The following KLHL4 variants were observed in gnomAD, a reference collection of about 807,000 sequenced individuals.
KLHL4 encodes kelch like family member 4.
Under a neutral mutation model 45.8 loss-of-function variants are expected in KLHL4, and 17 were observed. The observed-to-expected ratio is 0.37, with a 90% CI of 0.25 to 0.56. The LOEUF (loss-of-function observed/expected upper bound fraction) is 0.56, where lower values mean the gene tolerates loss of function less well. Ranked by LOEUF, KLHL4 falls within the 20% of genes least tolerant of loss-of-function variation. The probability of loss-of-function intolerance (pLI) is 0.79; values close to 1 mark genes in which losing one functional copy is unlikely to be tolerated. For synonymous variants in KLHL4, 224 were observed against 189.9 expected (o/e 1.18, Z -1.47); for missense variants, 544 against 544.9 (o/e 1.00, Z 0.02).
intron 4 of KLHL4, among the ~76,000 whole-genome samples, chrX:87,618,645 C>T (rs1324847788): frequency 3.6e-5 from 4 of 110,934 alleles, no homozygotes; most frequent in African/African-American, 9.8e-5. Context: ...GGACTACAGG[C>T]GCCCGCCACC....
intron 1 of KLHL4, among the ~76,000 whole-genome samples, chrX:87,533,581 C>T (rs1467964957): frequency 4.7e-5 from 5 of 105,633 alleles, no homozygotes; most frequent in South Asian, 4.5e-4. Context: ...GGAGGGATAG[C>T]ATTAGGAGAT....
chrX:87,519,169 A>G (rs931080167), intron 1 of KLHL4, among the ~76,000 whole-genome samples: 2 of 111,918 alleles, frequency 1.8e-5, no homozygotes, highest in African/African-American at 6.5e-5. Context: ...AGACATTTTT[A>G]TAGTCCCAAC....
At chrX:87,665,777 A>C (rs967008688) in intron 10 of KLHL4, among the ~76,000 whole-genome samples, 1 of 111,577 alleles carries the variant, frequency 9.0e-6, no homozygotes, top group African/African-American at 3.3e-5. Flanking sequence ...TACAGGGTAC[A>C]GCTATCTATT....
At chrX:87,662,060 T>C (rs1174611358) in intron 9 of KLHL4, among the ~76,000 whole-genome samples, 1 of 111,900 alleles carries the variant, frequency 8.9e-6, no homozygotes, top group Non-Finnish European at 1.9e-5. Context: ...TTTATTTTAG[T>C]ATTATTGCTA....
chrX:87,532,014 C>T (rs897951761), intron 1 of KLHL4, among the ~76,000 whole-genome samples: 22 of 108,260 alleles, frequency 2.0e-4, no homozygotes, highest in Admixed American at 6.0e-4. Flanking sequence ...AAAAAGAGCC[C>T]GCATCGCCAA....
chrX:87,629,155 G>T (rs941332338), intron 6 of KLHL4, among the ~76,000 whole-genome samples: 15 of 111,446 alleles, frequency 1.3e-4, no homozygotes, highest in African/African-American at 4.6e-4. Flanking sequence ...AGTTTGACAG[G>T]TTTTGTTCAC....
intron 1 of KLHL4, among the ~76,000 whole-genome samples, chrX:87,583,722 C>T (rs1921364124): frequency 9.0e-6 from 1 of 111,308 alleles, no homozygotes; most frequent in African/African-American, 3.3e-5. Flanking sequence ...GACTTTCTGG[C>T]TTCAGGTAAG....
chrX:87,623,348 C>T (rs1409173267), intron 5 of KLHL4, among the ~76,000 whole-genome samples: 3 of 82,046 alleles, frequency 3.7e-5, no homozygotes, highest in Non-Finnish European at 6.5e-5. Context: ...GGCTGGAGTG[C>T]AGTGGGGCTA....
chrX:87,518,453 C>G (rs1187700846), intron 1 of KLHL4, 138 bp downstream of exon 1: 9 of 533,222 alleles, frequency 1.7e-5, no homozygotes, highest in Non-Finnish European at 2.4e-5. Flanking sequence ...TCTCAGAAAC[C>G]GTCTCCTCTA....
chrX:87,666,850 G>T lies in KLHL4; in HGVS notation c.*316G>T, dbSNP rs1217541391. The stretch of plus-strand genomic sequence containing the variant: ...TGAAAATTGATGGTGGCCACAGTGT[G>T]CAGGTTATAAAAGCATTAATACATT... On this transcript the variant is annotated 3_prime_UTR_variant, in exon 11 of 11. Transcript: ENST00000373119. The T allele has an allele frequency of 6.5e-6, 5 of 770,449 alleles. No homozygotes were observed. The highest frequency in any genetic ancestry group is 1.0e-4 in the East Asian group (1 of 9,876). 63.5% of individuals were successfully genotyped at this position (770,449 alleles called of 1,213,427 possible).
At chrX:87,649,365 C>A (rs1923736041) in intron 9 of KLHL4, among the ~76,000 whole-genome samples, 1 of 111,139 alleles carries the variant, frequency 9.0e-6, no homozygotes, top group Admixed American at 9.6e-5. Flanking sequence ...ATTTCATTTC[C>A]TTTTTAAGGC....
rs1569366658 is a variant in KLHL4, at chrX:87,668,207, T to A, written c.*1673T>A. 1.3e-6 allele frequency: 1 copy of A among 751,316 alleles called. No individual in the cohort carries two copies. Among genetic ancestry groups the A allele is most frequent in the Non-Finnish European group, 1.6e-6 (1 of 637,958 alleles). 61.9% of individuals were successfully genotyped at this position (751,316 alleles called of 1,213,427 possible). A position where few individuals can be genotyped will look rare whatever the true frequency, so the allele number is the denominator to read the frequency against. On this transcript the variant is annotated 3_prime_UTR_variant, in exon 11 of 11. Coordinates refer to ENST00000373119, the MANE Select transcript of KLHL4 (RefSeq NM_019117.5). ...ATTGAAATCAGTGTAGAAGTAGAGT[T>A]ACCTAAACCTTTATCGCCAATGCAC...
intron 1 of KLHL4, among the ~76,000 whole-genome samples, chrX:87,581,204 C>T (rs1049861498): frequency 1.8e-5 from 2 of 112,085 alleles, no homozygotes; most frequent in South Asian, 3.7e-4. Context: ...AAGGCTGAGA[C>T]GGAGTGCTAA....
intron 1 of KLHL4, among the ~76,000 whole-genome samples, chrX:87,594,311 TTTCAATCTTTCTACTATATATTGACA>T (rs1423938537): frequency 1.8e-5 from 2 of 111,806 alleles, no homozygotes; most frequent in Non-Finnish European, 3.8e-5. Context: ...GGGAATTTAA[TTTCAATCTTTCTACTATATATTGACA>T]TTCAATGGCC....
rs143032087 is a variant in KLHL4 at position 87,567,480 on chromosome X, C to T, written c.423-46397C>T. 6.8e-3 allele frequency among the ~76,000 whole-genome samples: 761 copies of T among 111,153 alleles called. 4 individuals carry two copies. The highest frequency in any genetic ancestry group is 0.018 in the African/African-American group (563 of 30,593). ...AATTATAATTCTGGGTATACGCCCACAGAAGTGAAAGCAGGGACAAGTAGG... is the reference window on the plus strand; with the variant it reads ...AATTATAATTCTGGGTATACGCCCATAGAAGTGAAAGCAGGGACAAGTAGG... On this transcript the variant is annotated intron_variant, in intron 1 of 10. Coordinates refer to ENST00000373119, the MANE Select transcript of KLHL4 (RefSeq NM_019117.5).
chrX:87,536,207 C>T (rs1324178448), intron 1 of KLHL4, among the ~76,000 whole-genome samples: 2 of 111,452 alleles, frequency 1.8e-5, no homozygotes, highest in Non-Finnish European at 3.8e-5. Context: ...AATTTGAATA[C>T]TACTGACAAG....
chrX:87,542,365 T>C (rs759655389), intron 1 of KLHL4, among the ~76,000 whole-genome samples: 1 of 111,975 alleles, frequency 8.9e-6, no homozygotes, highest in Non-Finnish European at 1.9e-5. Flanking sequence ...GTCAGAGATA[T>C]TTGTGGCAGC....
At chrX:87,614,845 C>T (rs1200882950) in intron 3 of KLHL4, among the ~76,000 whole-genome samples, 1 of 110,692 alleles carries the variant, frequency 9.0e-6, no homozygotes, top group African/African-American at 3.3e-5. Flanking sequence ...TGAGAGCAGA[C>T]AACTATTTAA....
At chrX:87,553,545 C>T (rs1453601243) in intron 1 of KLHL4, among the ~76,000 whole-genome samples, 17 of 110,603 alleles carry the variant, frequency 1.5e-4, no homozygotes, top group African/African-American at 3.9e-4. Flanking sequence ...AGGTAAACCT[C>T]AATATGAGAA....
Sources: allele counts gnomAD v4.1 joint callset (sites outside exome capture counted in the v4.1 genomes callset), GRCh38; gene constraint gnomAD v4.1.1; transcripts MANE v1.5; gene names NCBI Gene and HGNC (gene_info 2026-07-23, HGNC 2026-07-21).